Variants in EPAS1 observed in about 807,000 individuals in gnomAD.
EPAS1 encodes the protein endothelial PAS domain-containing protein 1.
In EPAS1, 23 loss-of-function variants were observed where a neutral mutation model predicts 87.9. The ratio of observed to expected loss-of-function variants is 0.26; its 90% CI spans 0.19 to 0.37. EPAS1 has a LOEUF of 0.37. Ranked by LOEUF, EPAS1 falls within the 10% of genes least tolerant of loss-of-function variation. The pLI is 1.00. For synonymous variants in EPAS1, 508 were observed against 444.3 expected (o/e 1.14, Z -1.80); for missense variants, 1,138 against 1,120.7 (o/e 1.02, Z -0.22).
chr2:46,359,401 C>G (rs1020359741), intron 4 of EPAS1, among the ~76,000 whole-genome samples: 2 of 152,010 alleles, frequency 1.3e-5, no homozygotes, highest in African/African-American at 4.8e-5. Flanking sequence ...CTGGTCTGGT[C>G]CTGGTGGTGG....
intron 1 of EPAS1, among the ~76,000 whole-genome samples, chr2:46,303,292 T>C (rs1322325747): frequency 6.6e-6 from 1 of 151,682 alleles, no homozygotes; most frequent in Non-Finnish European, 1.5e-5. Flanking sequence ...CCACACAGAG[T>C]AGGTGCTGAC....
intron 6 of EPAS1, among the ~76,000 whole-genome samples, chr2:46,362,636 G>T (rs1273752592): frequency 6.6e-6 from 1 of 152,148 alleles, no homozygotes; most frequent in Non-Finnish European, 1.5e-5. Context: ...AGGGCATCTG[G>T]TTTCTTCATG....
At chr2:46,382,641 T>C in intron 15 of EPAS1, 43 bp downstream of exon 15, 1 of 1,612,184 alleles carries the variant, frequency 6.2e-7, no homozygotes, top group South Asian at 1.1e-5. Flanking sequence ...CAGGATTCGA[T>C]GCCAGGGGAA....
intron 4 of EPAS1, among the ~76,000 whole-genome samples, chr2:46,358,710 C>T (rs1192784506): frequency 1.3e-5 from 2 of 152,240 alleles, no homozygotes; most frequent in East Asian, 1.9e-4. Flanking sequence ...ATCTCTTGAT[C>T]TGCATATTGA....
Position 46,309,155 on chromosome 2 carries a change from G to A in EPAS1, c.26+11218G>A, listed in dbSNP as rs539113531. 3.5e-4 allele frequency among the ~76,000 whole-genome samples: 54 copies of A among 152,322 alleles called. 1 individual carries two copies. The South Asian group carries it at 0.011, about 30-fold the overall frequency. On this transcript the variant is annotated intron_variant, in intron 1 of 15. Transcript: ENST00000263734. ...GGGAGTTTGGTGTAGAGAACTGGAA[G>A]CACAGGTAGACACTTTGCTCACATC...
intron 1 of EPAS1, among the ~76,000 whole-genome samples, chr2:46,327,197 A>G (rs1235957730): frequency 6.6e-6 from 1 of 152,184 alleles, no homozygotes. Flanking sequence ...CCGTGATTTC[A>G]TGGTTGAATA....
intron 2 of EPAS1, among the ~76,000 whole-genome samples, chr2:46,353,635 A>G (rs992932260): frequency 3.3e-5 from 5 of 152,234 alleles, no homozygotes; most frequent in Admixed American, 3.3e-4. Flanking sequence ...TGAAGATTTT[A>G]GCTGGGAAAG....
intron 1 of EPAS1, among the ~76,000 whole-genome samples, chr2:46,329,154 G>T (rs1251570825): frequency 6.6e-6 from 1 of 152,166 alleles, no homozygotes; most frequent in Non-Finnish European, 1.5e-5. Context: ...CTTAATAGGG[G>T]CATTTCCAGA....
intron 1 of EPAS1, among the ~76,000 whole-genome samples, chr2:46,310,907 C>T (rs1446077719): frequency 6.6e-6 from 1 of 152,104 alleles, no homozygotes; most frequent in Non-Finnish European, 1.5e-5. Context: ...GACGGAGTCT[C>T]GCTCTGTTGC....
chr2:46,345,241 G>T (rs1355867155), intron 1 of EPAS1, among the ~76,000 whole-genome samples: 2 of 152,030 alleles, frequency 1.3e-5, no homozygotes, highest in African/African-American at 4.8e-5. Context: ...GGGACTACAG[G>T]TCCAAATACT....
chr2:46,329,093 G>A (rs2104856265), intron 1 of EPAS1, among the ~76,000 whole-genome samples: 1 of 152,350 alleles, frequency 6.6e-6, no homozygotes, highest in South Asian at 2.1e-4. Flanking sequence ...TTGATAGAGT[G>A]TTAGAGCTTC....
At chr2:46,372,837 A>G (rs2103657395) in intron 7 of EPAS1, among the ~76,000 whole-genome samples, 1 of 152,382 alleles carries the variant, frequency 6.6e-6, no homozygotes, top group South Asian at 2.1e-4. Flanking sequence ...ATTAAGGACC[A>G]TCTAAATAAG....
intron 1 of EPAS1, among the ~76,000 whole-genome samples, chr2:46,339,974 A>AT (rs1202778432): frequency 2.0e-5 from 3 of 152,134 alleles, no homozygotes; most frequent in Non-Finnish European, 4.4e-5. Context: ...GGGAGTGGGG[A>AT]TTTCAACATA....
intron 6 of EPAS1, among the ~76,000 whole-genome samples, chr2:46,368,678 T>A (rs771279537): frequency 9.2e-5 from 14 of 152,132 alleles, no homozygotes; most frequent in Non-Finnish European, 2.1e-4. Context: ...GTGTTATTGA[T>A]CCCCTACAAG....
chr2:46,380,167 A>G lies in EPAS1; in HGVS notation c.1555-60A>G. ...ATGGCTCTGCAGGAGCTGAGTTGGA[A>G]TAGTGTTTGTGAGGTCGTACCAACC... is the stretch of plus-strand genomic sequence containing the variant. On this transcript the variant is annotated intron_variant, in intron 11 of 15. Transcript: ENST00000263734. The surrounding 1 kb of genome is among the most constrained non-coding windows in gnomAD (Gnocchi z 4.4). The G allele has an allele frequency of 1.2e-6, 2 of 1,600,110 alleles. No homozygotes were observed. Among genetic ancestry groups the G allele is most frequent in the South Asian group, 2.2e-5 (2 of 91,068 alleles).
intron 15 of EPAS1, among the ~76,000 whole-genome samples, chr2:46,383,670 T>A (rs1684950953): frequency 6.6e-6 from 1 of 152,240 alleles, no homozygotes; most frequent in Admixed American, 6.5e-5. Context: ...ACCTTGAATA[T>A]TGAAATCAAG....
In EPAS1 at chr2:46,382,320, G is replaced by A. The variant is rs1158327355; in HGVS notation, c.2288-105G>A. On this transcript the variant is annotated intron_variant, in intron 14 of 15. Transcript: ENST00000263734. ...GGTCCTGAAGGTTGGCTGTAGTTCT[G>A]GTGACTCTGAGCACCTTTTATAAAG... 4.1e-6 allele frequency: 6 copies of A among 1,450,828 alleles called. No homozygotes were observed. In the Admixed American group the frequency reaches 6.7e-5, roughly 16 times the overall value. The allele number at this position is 1,450,828 out of a possible 1,614,324, so 89.9% of individuals were successfully genotyped here.
intron 1 of EPAS1, among the ~76,000 whole-genome samples, chr2:46,305,722 C>CG (rs1683099485): frequency 6.6e-6 from 1 of 151,660 alleles, no homozygotes; most frequent in African/African-American, 2.4e-5. Context: ...AACTATCCCC[C>CG]CATCCCCAGC....
chr2:46,339,561 A>C (rs1018997254), intron 1 of EPAS1, among the ~76,000 whole-genome samples: 3 of 152,200 alleles, frequency 2.0e-5, no homozygotes, highest in African/African-American at 7.2e-5. Flanking sequence ...GAAATTTACA[A>C]ATTTAGTTAC....
Sources: gnomAD v4.1 joint callset for allele counts (sites outside exome capture counted in the v4.1 genomes callset) on GRCh38, gnomAD v4.1.1 for gene constraint, Gnocchi (gnomAD v3.1) non-coding constraint, MANE v1.5 for transcripts, NCBI Gene and HGNC (gene_info 2026-07-23, HGNC 2026-07-21) for gene names.